Variants in MANBA observed in about 807,000 individuals in gnomAD.
MANBA encodes the protein beta-mannosidase.
MANBA carries 83 observed loss-of-function variants against 111.1 expected under a neutral mutation model. The observed-to-expected ratio is 0.75, with a 90% CI of 0.63 to 0.90. The LOEUF (loss-of-function observed/expected upper bound fraction) is 0.90, where lower values mean the gene tolerates loss of function less well. MANBA is among the 40% of genes least tolerant of loss of function. The pLI is 0.00. For missense variants in MANBA, 1,036 were observed against 1,069.0 expected (o/e 0.97, Z 0.43); for synonymous variants, 370 against 378.7 (o/e 0.98, Z 0.27).
In MANBA at chr4:102,760,776, A is replaced by C. The variant is rs1232673438; in HGVS notation, c.119T>G (p.Leu40Arg). The C allele has an allele frequency of 1.1e-5, 17 of 1,551,486 alleles. No individual in the cohort carries two copies. The highest frequency in any genetic ancestry group is 1.5e-5 in the Non-Finnish European group (17 of 1,147,918). The change falls in exon 1 of 17, where the codon CTG becomes CGG. Residue 40 changes from leucine to arginine, a missense_variant. By Grantham distance (102) the Leu-to-Arg change is moderately radical (BLOSUM62 -2). Coordinates refer to ENST00000647097, the MANE Select transcript of MANBA (RefSeq NM_005908.4). ...SICNGNGSLE[L>R]PGAVPGCVHS... is the part of the protein sequence containing the mutation. Reference sequence around the variant, plus strand: ...CACGCAGCCAGGGACCGCCCCGGGCAGCTCCAGCGAGCCGTTCCCATTGCA... The same window carrying C: ...CACGCAGCCAGGGACCGCCCCGGGCCGCTCCAGCGAGCCGTTCCCATTGCA...
intron 6 of MANBA, 102 bp from the exon 7 acceptor site, chr4:102,689,786 G>T: frequency 2.7e-6 from 2 of 743,898 alleles, no homozygotes; most frequent in Middle Eastern, 3.1e-4. Context: ...CAAAACTCTA[G>T]GTTCTAAAAC....
intron 5 of MANBA, among the ~76,000 whole-genome samples, chr4:102,702,374 G>C (rs548536882): frequency 1.3e-5 from 2 of 152,068 alleles, no homozygotes; most frequent in African/African-American, 4.8e-5. Context: ...GTCATTCTCC[G>C]TCCAGCTTTG....
At chr4:102,735,359 C>T (rs1262943744) in intron 1 of MANBA, among the ~76,000 whole-genome samples, 1 of 151,914 alleles carries the variant, frequency 6.6e-6, no homozygotes, top group Non-Finnish European at 1.5e-5. Flanking sequence ...CAAGGTGTGC[C>T]TTTTACTTCC....
intron 1 of MANBA, among the ~76,000 whole-genome samples, chr4:102,732,222 T>G (rs1723058065): frequency 6.6e-6 from 1 of 152,212 alleles, no homozygotes; most frequent in African/African-American, 2.4e-5. Context: ...CTTTCCACTC[T>G]TTATCTCCCA....
In MANBA at chr4:102,662,300, C is replaced by T. The variant is rs182170619; in HGVS notation, c.1485+2385G>A. ...CTCACACCTGTAATCCCAGCACTTT[C>T]GGAGGCCGAGGTGGGTGGAGCAGGA... is the stretch of plus-strand genomic sequence containing the variant. On this transcript the variant is annotated intron_variant, in intron 11 of 16. Coordinates refer to ENST00000647097, the MANE Select transcript of MANBA (RefSeq NM_005908.4). 5.4e-3 allele frequency among the ~76,000 whole-genome samples: 826 copies of T among 152,002 alleles called. 12 individuals are homozygous for T. The highest frequency in any genetic ancestry group is 0.019 in the African/African-American group (783 of 41,458).
At chr4:102,728,170 C>T in intron 1 of MANBA, 2 of 539,122 alleles carry the variant, frequency 3.7e-6, no homozygotes, top group South Asian at 1.4e-5. Flanking sequence ...ACTTCTCATG[C>T]CCCTGCTCTA....
At chr4:102,703,749 G>T (rs993876362) in intron 5 of MANBA, among the ~76,000 whole-genome samples, 61 of 152,000 alleles carry the variant, frequency 4.0e-4, no homozygotes, top group African/African-American at 1.4e-3. Flanking sequence ...TCTCCAACCT[G>T]ATCAATCAGC....
intron 13 of MANBA, among the ~76,000 whole-genome samples, chr4:102,648,228 C>T (rs1477213978): frequency 2.0e-5 from 3 of 151,834 alleles, no homozygotes; most frequent in African/African-American, 7.3e-5. Context: ...CCATTTCTAC[C>T]CTTTGAAAAG....
chr4:102,751,258 A>C, intron 1 of MANBA: 1 of 291,296 alleles, frequency 3.4e-6, no homozygotes, highest in Non-Finnish European at 6.9e-6. Flanking sequence ...AGCAGACCCA[A>C]GGAGGAAAAG....
At chr4:102,739,882 C>G (rs1421007594) in intron 1 of MANBA, among the ~76,000 whole-genome samples, 1 of 152,120 alleles carries the variant, frequency 6.6e-6, no homozygotes, top group African/African-American at 2.4e-5. Flanking sequence ...AGAACTGGAA[C>G]AAGACAAGGA....
chr4:102,737,545 C>T (rs1045233114), intron 1 of MANBA, among the ~76,000 whole-genome samples: 13 of 151,922 alleles, frequency 8.6e-5, no homozygotes, highest in Admixed American at 2.6e-4. Flanking sequence ...TGCAGTGGCA[C>T]GATCTCTGCT....
chr4:102,634,445 G>C (rs1729523242), intron 16 of MANBA, among the ~76,000 whole-genome samples: 1 of 151,578 alleles, frequency 6.6e-6, no homozygotes. Context: ...GTGAAAGTCA[G>C]AGACTATGAG....
At chr4:102,709,452 G>GAAGT in intron 5 of MANBA, among the ~76,000 whole-genome samples, 1 of 150,586 alleles carries the variant, frequency 6.6e-6, no homozygotes, top group East Asian at 1.9e-4. Context: ...AGGAAGGAAG[G>GAAGT]AAATAGTGAA....
At chr4:102,757,343 T>C (rs74612470) in intron 1 of MANBA, among the ~76,000 whole-genome samples, 2 of 148,446 alleles carry the variant, frequency 1.3e-5, no homozygotes, top group African/African-American at 4.9e-5. Context: ...AAAAAAAAAA[T>C]AGCAGGCTGA....
intron 4 of MANBA, among the ~76,000 whole-genome samples, chr4:102,721,141 T>C (rs1350690035): frequency 6.6e-6 from 1 of 152,116 alleles, no homozygotes; most frequent in African/African-American, 2.4e-5. Context: ...CTGGCCAACA[T>C]GGCGAAACTC....
At chr4:102,729,695 C>T (rs1722956512) in intron 1 of MANBA, 5 of 1,556,060 alleles carry the variant, frequency 3.2e-6, no homozygotes, top group Non-Finnish European at 4.4e-6. Flanking sequence ...CCTCCAGCTT[C>T]AGCTTCTCCT....
At chr4:102,656,142 T>C (rs1730548116) in intron 12 of MANBA, among the ~76,000 whole-genome samples, 1 of 151,862 alleles carries the variant, frequency 6.6e-6, no homozygotes, top group South Asian at 2.1e-4. Context: ...AGTCCCAGCT[T>C]CTTGGGGATG....
intron 16 of MANBA, chr4:102,633,533 A>G: frequency 5.0e-6 from 2 of 397,958 alleles, no homozygotes; most frequent in Non-Finnish European, 8.8e-6. Context: ...AAAGAAGCCA[A>G]ATACCTAGTC....
At chr4:102,753,496 C>T (rs1342179150) in intron 1 of MANBA, among the ~76,000 whole-genome samples, 3 of 151,962 alleles carry the variant, frequency 2.0e-5, no homozygotes, top group African/African-American at 4.8e-5. Flanking sequence ...AATATATCAG[C>T]GGACAAAAGA....
Sources: allele counts gnomAD v4.1 joint callset (sites outside exome capture counted in the v4.1 genomes callset), GRCh38; gene constraint gnomAD v4.1.1; transcripts MANE v1.5; gene names NCBI Gene and HGNC (gene_info 2026-07-23, HGNC 2026-07-21).